The following TNKS variants were observed in gnomAD, a reference collection of about 807,000 sequenced individuals.
TNKS encodes the protein poly [ADP-ribose] polymerase tankyrase-1.
TNKS carries 72 observed loss-of-function variants against 135.8 expected under a neutral mutation model. The observed-to-expected ratio is 0.53, with a 90% CI of 0.44 to 0.64. The LOEUF (loss-of-function observed/expected upper bound fraction) is 0.64. Among genes scored for constraint, TNKS ranks in the 30% least tolerant of loss-of-function variants. TNKS has a pLI of 0.00. For synonymous variants in TNKS, 849 were observed against 649.3 expected (o/e 1.31, Z -4.68); for missense variants, 1,769 against 1,674.0 (o/e 1.06, Z -0.99).
intron 3 of TNKS, chr8:9,670,690 G>A (rs1016200177): frequency 2.0e-5 from 3 of 152,154 alleles, no homozygotes; most frequent in African/African-American, 7.2e-5. Context: ...TTTGTTAGGT[G>A]AGAACTCAGA....
intron 11 of TNKS, among the ~76,000 whole-genome samples, chr8:9,717,103 T>TATATATATATATGTATA (rs1554476739): frequency 2.5e-5 from 1 of 39,332 alleles, no homozygotes; most frequent in African/African-American, 8.0e-5. Context: ...ATATATATAT[T>TATATATATATATGTATA]TTCAGGGAAT....
At chr8:9,580,495 T>G (rs1435170934) in intron 2 of TNKS, 112 bp downstream of exon 2, 2 of 889,792 alleles carry the variant, frequency 2.2e-6, no homozygotes, top group Non-Finnish European at 3.4e-6. Context: ...TTGCTTCTTG[T>G]AGAAGCAGTT....
intron 1 of TNKS, among the ~76,000 whole-genome samples, chr8:9,559,136 A>G (rs1433485470): frequency 1.3e-5 from 2 of 152,188 alleles, no homozygotes; most frequent in Admixed American, 1.3e-4. Context: ...CTTAACCCTT[A>G]TGGAGCTTAC....
At chr8:9,593,326 CCA>C (rs528954839) in intron 2 of TNKS, among the ~76,000 whole-genome samples, 36 of 152,244 alleles carry the variant, frequency 2.4e-4, no homozygotes, top group African/African-American at 7.2e-4. Flanking sequence ...TGTTACTTTG[CCA>C]CAGTCTGTAG....
chr8:9,733,459 A>G lies in TNKS; in HGVS notation c.2313+15A>G. ...TCCTTTTAAAAGTATGTAGTTTAAA[A>G]AGTTATGAAATATAACTAATTTTAT... On this transcript the variant is annotated intron_variant, in intron 15 of 26. Coordinates refer to ENST00000310430, the MANE Select transcript of TNKS (RefSeq NM_003747.3). 1 of 1,599,196 alleles carries G rather than the reference A, an allele frequency of 6.3e-7. No individual in the cohort carries two copies. The highest frequency in any genetic ancestry group is 8.5e-7 in the Non-Finnish European group (1 of 1,172,232).
chr8:9,599,671 T>G (rs1798935949), intron 2 of TNKS, among the ~76,000 whole-genome samples: 1 of 152,206 alleles, frequency 6.6e-6, no homozygotes, highest in Non-Finnish European at 1.5e-5. Context: ...AAATGTATTG[T>G]GTCCTGGATT....
At chr8:9,583,873 A>T (rs1469478707) in intron 2 of TNKS, among the ~76,000 whole-genome samples, 1 of 151,076 alleles carries the variant, frequency 6.6e-6, no homozygotes, top group Non-Finnish European at 1.5e-5. Flanking sequence ...CTGATATAAG[A>T]TCTGGGAGTC....
At chr8:9,771,945 AGGGAGGGAGT>A (rs769772198) in intron 26 of TNKS, among the ~76,000 whole-genome samples, 82 of 4,118 alleles carry the variant, frequency 0.02, no homozygotes, top group Middle Eastern at 0.071. Flanking sequence ...GGAGGGGGAG[AGGGAGGGAGT>A]GGGAGGGAGT....
chr8:9,569,579 C>T (rs915009945), intron 1 of TNKS, among the ~76,000 whole-genome samples: 3 of 152,174 alleles, frequency 2.0e-5, no homozygotes, highest in African/African-American at 7.2e-5. Context: ...ACCCATTCTA[C>T]TGTTGAGTAT....
At chr8:9,683,915 A>T (rs1171791321) in intron 5 of TNKS, among the ~76,000 whole-genome samples, 2 of 151,994 alleles carry the variant, frequency 1.3e-5, no homozygotes, top group African/African-American at 4.8e-5. Flanking sequence ...CATAAATCAA[A>T]ATTGGCTCCT....
intron 1 of TNKS, among the ~76,000 whole-genome samples, chr8:9,571,494 G>C (rs996976756): frequency 2.0e-5 from 3 of 152,104 alleles, no homozygotes; most frequent in South Asian, 2.1e-4. Flanking sequence ...GTCTCACTCT[G>C]TCGCCCAGGC....
rs780653486 is a variant in TNKS, at chr8:9,764,712, G to A, written c.3373-4G>A. ...TTTATAAAATTAGTTATTTTGTTCTGTAGATGCAAAGTACTATTCGAGAAC... is the reference window on the plus strand; with the variant it reads ...TTTATAAAATTAGTTATTTTGTTCTATAGATGCAAAGTACTATTCGAGAAC... On this transcript the variant is annotated splice_polypyrimidine_tract_variant and splice_region_variant and intron_variant, in intron 22 of 26. Transcript: ENST00000310430. The A allele has an allele frequency of 3.1e-6, 5 of 1,590,702 alleles. No individual in the cohort carries two copies. In the South Asian group the frequency reaches 3.5e-5, roughly 11 times the overall value.
intron 12 of TNKS, 73 bp from the exon 13 acceptor site, chr8:9,726,568 G>C (rs1188666697): frequency 1.2e-5 from 14 of 1,138,996 alleles, no homozygotes; most frequent in Non-Finnish European, 1.6e-5. Context: ...AACCATTTTT[G>C]TTTCCAAAAT....
At chr8:9,592,049 A>G (rs1339063870) in intron 2 of TNKS, among the ~76,000 whole-genome samples, 2 of 152,216 alleles carry the variant, frequency 1.3e-5, no homozygotes, top group Non-Finnish European at 2.9e-5. Flanking sequence ...CATTTTTAAG[A>G]TTTAACAGTA....
At chr8:9,695,610 T>C (rs1480090039) in intron 5 of TNKS, among the ~76,000 whole-genome samples, 1 of 152,198 alleles carries the variant, frequency 6.6e-6, no homozygotes, top group East Asian at 1.9e-4. Context: ...ACTTAGGTTT[T>C]AACAGGATTA....
At chr8:9,656,303 G>T (rs13249570) in intron 3 of TNKS, among the ~76,000 whole-genome samples, 22,828 of 152,154 alleles carry the variant, frequency 0.15, 1,917 homozygotes, top group Admixed American at 0.24. Flanking sequence ...GGAACCAAGT[G>T]GGAGAACACT....
At chr8:9,600,015 AT>A (rs1429764510) in intron 2 of TNKS, among the ~76,000 whole-genome samples, 1 of 152,164 alleles carries the variant, frequency 6.6e-6, no homozygotes, top group Non-Finnish European at 1.5e-5. Flanking sequence ...GTAATTAAAT[AT>A]TTTTTAATAT....
At chr8:9,575,004 C>G (rs1472739596) in intron 1 of TNKS, 1 of 984,102 alleles carries the variant, frequency 1.0e-6, no homozygotes, top group South Asian at 4.7e-5. Flanking sequence ...CTAAGGAGCT[C>G]CTAATACCGT....
intron 1 of TNKS, among the ~76,000 whole-genome samples, chr8:9,579,481 T>C (rs1798086981): frequency 6.6e-6 from 1 of 152,172 alleles, no homozygotes; most frequent in Non-Finnish European, 1.5e-5. Flanking sequence ...TATTTTATTT[T>C]ATTTTATTGA....
Sources: gnomAD v4.1 joint callset for allele counts (sites outside exome capture counted in the v4.1 genomes callset) on GRCh38, gnomAD v4.1.1 for gene constraint, MANE v1.5 for transcripts, NCBI Gene and HGNC (gene_info 2026-07-23, HGNC 2026-07-21) for gene names.